The following BLNK variants were observed in gnomAD, a reference collection of about 807,000 sequenced individuals.
BLNK encodes B-cell linker protein.
Under a neutral mutation model 73.5 loss-of-function variants are expected in BLNK, and 29 were observed. The ratio of observed to expected loss-of-function variants is 0.39; its 90% confidence interval spans 0.29 to 0.54. The LOEUF (loss-of-function observed/expected upper bound fraction) is 0.54. BLNK is among the 20% of genes least tolerant of loss of function. The pLI, the probability that BLNK is intolerant of heterozygous loss-of-function variation, is 0.61. For synonymous variants in BLNK, 176 were observed against 200.8 expected, an observed-to-expected ratio of 0.88 and a Z score of 1.04; for missense variants, 460 against 562.8, an observed-to-expected ratio of 0.82 and a Z score of 1.85.
chr10:96,198,623 C>T (rs1554895258), intron 15 of BLNK, among the ~76,000 whole-genome samples: 3 of 152,182 alleles, frequency 2.0e-5, no homozygotes, highest in African/African-American at 4.8e-5. Context: ...ACTTTTCAAA[C>T]TCAAATTAAG....
intron 7 of BLNK, chr10:96,215,974 C>T (rs2084055585): frequency 6.2e-6 from 1 of 160,554 alleles, no homozygotes. Flanking sequence ...GAGAGGGTTG[C>T]TACATGATGG....
At chr10:96,199,424 C>T (rs2083566829) in intron 15 of BLNK, 1 of 412,872 alleles carries the variant, frequency 2.4e-6, no homozygotes, top group South Asian at 1.8e-5. Context: ...CCAAAATAGC[C>T]TGTCACTGTT....
At chr10:96,264,701 C>T (rs2134146855) in intron 1 of BLNK, among the ~76,000 whole-genome samples, 1 of 152,314 alleles carries the variant, frequency 6.6e-6, no homozygotes, top group South Asian at 2.1e-4. Context: ...TATATACACA[C>T]TGGCCACAGG....
intron 1 of BLNK, among the ~76,000 whole-genome samples, chr10:96,255,178 A>G (rs1258464692): frequency 6.6e-6 from 1 of 152,196 alleles, no homozygotes; most frequent in African/African-American, 2.4e-5. Context: ...CCCCAGGCAC[A>G]TAGAAGGATA....
At chr10:96,209,139 C>T (rs2083890158) in intron 9 of BLNK, among the ~76,000 whole-genome samples, 1 of 152,194 alleles carries the variant, frequency 6.6e-6, no homozygotes, top group Non-Finnish European at 1.5e-5. Context: ...TCGAGAGGAA[C>T]TTCAGTCGTA....
chr10:96,247,132 A>G, intron 1 of BLNK, 83 bp from the exon 2 acceptor site: 4 of 943,142 alleles, frequency 4.2e-6, no homozygotes, highest in Non-Finnish European at 3.2e-6. Flanking sequence ...TCGAATACAA[A>G]AAAGGGGAAA....
chr10:96,190,330 T>C lies in BLNK; in HGVS notation c.*1643A>G, dbSNP rs1397563878. The C allele has an allele frequency of 5.3e-6, 3 of 567,588 alleles. No individual in the cohort carries two copies. The highest frequency in any genetic ancestry group is 9.6e-6 in the Non-Finnish European group (3 of 312,918). 35.2% of individuals were successfully genotyped at this position (567,588 alleles called of 1,614,324 possible). A position where few individuals can be genotyped will look rare whatever the true frequency, so the allele number is the denominator to read the frequency against. On this transcript the variant is annotated 3_prime_UTR_variant, in exon 17 of 17. Transcript: ENST00000224337. ...TCACGCCAGTAGTATTGTTCCTGTGTGTCTCTTCATATAGTCTTCTCTCTG... is the reference window on the plus strand; with the variant it reads ...TCACGCCAGTAGTATTGTTCCTGTGCGTCTCTTCATATAGTCTTCTCTCTG...
chr10:96,209,430 C>T (rs1370022128), intron 9 of BLNK, among the ~76,000 whole-genome samples: 3 of 151,998 alleles, frequency 2.0e-5, no homozygotes, highest in African/African-American at 7.2e-5. Flanking sequence ...TGGAGTCTTG[C>T]TCTGTTGCCC....
In BLNK at chr10:96,200,264, AT is replaced by A; in HGVS notation, c.1012-107del. 1.4e-6 allele frequency: 1 copy of A among 726,914 alleles called. No homozygotes were observed. The allele number at this position is 726,914 out of a possible 1,614,324, so 45.0% of individuals were successfully genotyped here. ...TTGCATTATCAAGACAGGCCTCTAC[AT>A]TTACACCAATAATTTTAAGATGAGT... On this transcript the variant is annotated intron_variant, in intron 14 of 16. Coordinates refer to ENST00000224337, the MANE Select transcript of BLNK (RefSeq NM_013314.4). This position sits in a 1 kb window ranked among gnomAD's most constrained non-coding sequence, Gnocchi z 4.3.
At chr10:96,211,440 A>G (rs370356405) in intron 8 of BLNK, among the ~76,000 whole-genome samples, 13 of 152,140 alleles carry the variant, frequency 8.5e-5, no homozygotes, top group African/African-American at 2.4e-4. Context: ...ATCTCATCCA[A>G]ACACAGACAA....
intron 4 of BLNK, among the ~76,000 whole-genome samples, chr10:96,229,047 T>C (rs587605654): frequency 2.0e-5 from 3 of 152,334 alleles, no homozygotes; most frequent in South Asian, 4.1e-4. Flanking sequence ...AAATGGGGTA[T>C]CCATCACTCA....
chr10:96,223,039 T>TC (rs144122030), intron 6 of BLNK, among the ~76,000 whole-genome samples: 13,829 of 152,136 alleles, frequency 0.091, 1,308 homozygotes, highest in African/African-American at 0.24. Context: ...ATGAGCAGTT[T>TC]CCGATAAGAT....
intron 3 of BLNK, among the ~76,000 whole-genome samples, chr10:96,232,987 G>A (rs1554904353): frequency 6.6e-6 from 1 of 151,998 alleles, no homozygotes; most frequent in East Asian, 1.9e-4. Context: ...TGTATTTTTT[G>A]TAGAGATGGG....
chr10:96,224,512 A>G (rs1390158994), intron 5 of BLNK, among the ~76,000 whole-genome samples: 1 of 152,158 alleles, frequency 6.6e-6, no homozygotes, highest in Non-Finnish European at 1.5e-5. Context: ...CTCCATTCAC[A>G]GGGAATCTGT....
intron 6 of BLNK, among the ~76,000 whole-genome samples, chr10:96,218,785 C>G (rs1336224928): frequency 6.6e-6 from 1 of 152,106 alleles, no homozygotes; most frequent in African/African-American, 2.4e-5. Context: ...CCATCCTCCC[C>G]CTCCTCTTTC....
intron 13 of BLNK, 136 bp from the exon 14 acceptor site, chr10:96,201,194 AG>A (rs1483802631): frequency 2.3e-5 from 18 of 784,972 alleles, no homozygotes; most frequent in Non-Finnish European, 3.4e-5. Flanking sequence ...TGGTTCCAAA[AG>A]TGTGGTCCAA....
rs146140360 is a variant in BLNK, at chr10:96,190,585, A to G, written c.*1388T>C. 9.8e-5 allele frequency among the ~76,000 whole-genome samples: 15 copies of G among 152,358 alleles called. No homozygotes were observed. The highest frequency in any genetic ancestry group is 1.9e-4 in the Non-Finnish European group (13 of 68,038). Reference sequence around the variant, plus strand: ...TTATGAAAGTTTATGACATTTAAATATACAATTATCTTTAGAAGTGAGTCA... The same window carrying G: ...TTATGAAAGTTTATGACATTTAAATGTACAATTATCTTTAGAAGTGAGTCA... On this transcript the variant is annotated 3_prime_UTR_variant, in exon 17 of 17. Coordinates refer to ENST00000224337, the MANE Select transcript of BLNK (RefSeq NM_013314.4).
At chr10:96,251,479 A>C (rs1843284087) in intron 1 of BLNK, among the ~76,000 whole-genome samples, 2 of 152,378 alleles carry the variant, frequency 1.3e-5, no homozygotes, top group South Asian at 4.1e-4. Context: ...TAGGTAAGGC[A>C]TAAAACAGCT....
intron 3 of BLNK, among the ~76,000 whole-genome samples, chr10:96,234,953 A>G (rs587596511): frequency 3.3e-5 from 5 of 152,290 alleles, no homozygotes; most frequent in Non-Finnish European, 5.9e-5. Flanking sequence ...AGCCTTTCCT[A>G]TGGTGTGGTT....
Sources: allele counts gnomAD v4.1 joint callset (sites outside exome capture counted in the v4.1 genomes callset), GRCh38; gene constraint gnomAD v4.1.1; non-coding constraint Gnocchi (gnomAD v3.1); transcripts MANE v1.5; gene names NCBI Gene and HGNC (gene_info 2026-07-23, HGNC 2026-07-21).